ELOVL6: variants seen among roughly 807,000 people sequenced by gnomAD.
The protein encoded by ELOVL6 is very long chain fatty acid elongase 6.
Under a neutral mutation model 31.7 loss-of-function variants are expected in ELOVL6, and 8 were observed. That is an observed-to-expected ratio of 0.25 (90% CI 0.15 to 0.45). ELOVL6 has a LOEUF of 0.45. ELOVL6 is among the 20% of genes least tolerant of loss of function. ELOVL6 has a pLI of 1.00. For synonymous variants in ELOVL6, 101 were observed against 117.7 expected (o/e 0.86, Z 0.92); for missense variants, 126 against 326.4 (o/e 0.39, Z 4.73).
chr4:110,167,026 T>C (rs1174940603), intron 1 of ELOVL6, among the ~76,000 whole-genome samples: 21 of 152,178 alleles, frequency 1.4e-4, no homozygotes, highest in Non-Finnish European at 2.4e-4. Context: ...TTGCCTTCTA[T>C]TTCTTTGTCT....
intron 1 of ELOVL6, among the ~76,000 whole-genome samples, chr4:110,187,391 A>G (rs1330247555): frequency 1.3e-5 from 2 of 151,754 alleles, no homozygotes; most frequent in Non-Finnish European, 2.9e-5. Context: ...GAAAAAGCAT[A>G]TAACCTAACT....
In ELOVL6 at chr4:110,198,519, T is replaced by A; in HGVS notation, c.-184A>T. On this transcript the variant is annotated 5_prime_UTR_variant, in exon 1 of 4. Transcript: ENST00000302274. Reference sequence around the variant, plus strand: ...CTCAGCTACATCCAGGGCTGAGCATTGCCTGCGCCTCCGCTCCCAGCTCCT... The same window carrying A: ...CTCAGCTACATCCAGGGCTGAGCATAGCCTGCGCCTCCGCTCCCAGCTCCT... 3.7e-6 allele frequency: 2 copies of A among 546,176 alleles called. No individual in the cohort carries two copies. The highest frequency in any genetic ancestry group is 2.4e-5 in the South Asian group (1 of 41,726). 33.8% of individuals were successfully genotyped at this position (546,176 alleles called of 1,614,324 possible).
intron 1 of ELOVL6, chr4:110,146,483 T>C (rs1456223241): frequency 2.6e-5 from 4 of 153,086 alleles, no homozygotes; most frequent in African/African-American, 9.6e-5. Context: ...GGTATGCATA[T>C]ACAAAAAGCC....
At chr4:110,099,444 G>T (rs958707158) in intron 2 of ELOVL6, among the ~76,000 whole-genome samples, 3 of 152,122 alleles carry the variant, frequency 2.0e-5, no homozygotes, top group Non-Finnish European at 4.4e-5. Flanking sequence ...AGGAAAAACT[G>T]GTGGTTAATA....
intron 1 of ELOVL6, among the ~76,000 whole-genome samples, chr4:110,126,804 C>G (rs961636912): frequency 1.6e-4 from 25 of 152,164 alleles, no homozygotes; most frequent in Admixed American, 1.6e-3. Context: ...GCTTGATCCA[C>G]TATTTCATGC....
Position 110,069,131 on chromosome 4 carries a change from AAATAATAAT to A in ELOVL6, c.222-9386_222-9378del, listed in dbSNP as rs58966120. ...GGTGACAGAGCAAGACTCTGTCTCC[AAATAATAAT>A]AATAATAATAATAATAATAATAATA... On this transcript the variant is annotated intron_variant, in intron 2 of 3. Coordinates refer to ENST00000302274, the MANE Select transcript of ELOVL6 (RefSeq NM_024090.3). Among the ~76,000 whole-genome samples, 367 of 133,682 alleles carry A rather than the reference AAATAATAAT, an allele frequency of 2.7e-3. 1 individual carries two copies. Among genetic ancestry groups the A allele is most frequent in the African/African-American group, 9.1e-3 (316 of 34,688 alleles). The allele number at this position is 133,682 out of a possible 152,430, so 87.7% of individuals were successfully genotyped here.
intron 2 of ELOVL6, among the ~76,000 whole-genome samples, chr4:110,102,660 CAA>C (rs965870775): frequency 3.1e-5 from 4 of 130,290 alleles, no homozygotes; most frequent in Admixed American, 7.7e-5. Context: ...ATCTTGTCTC[CAA>C]AAAAAAAAAA....
chr4:110,072,131 C>G (rs1159219795), intron 2 of ELOVL6, among the ~76,000 whole-genome samples: 1 of 152,190 alleles, frequency 6.6e-6, no homozygotes, highest in Non-Finnish European at 1.5e-5. Context: ...GACCAGCACA[C>G]TCTCAGAACA....
At chr4:110,103,905 C>T (rs1168097672) in intron 2 of ELOVL6, among the ~76,000 whole-genome samples, 2 of 152,088 alleles carry the variant, frequency 1.3e-5, no homozygotes, top group Non-Finnish European at 2.9e-5. Flanking sequence ...GATCATAATA[C>T]TGTGTTTGCT....
intron 3 of ELOVL6, among the ~76,000 whole-genome samples, chr4:110,052,020 C>T (rs1246172074): frequency 6.6e-6 from 1 of 152,154 alleles, no homozygotes; most frequent in African/African-American, 2.4e-5. Flanking sequence ...GTAGGATAAT[C>T]AGCATGGCTC....
chr4:110,196,549 C>G (rs1047859241), intron 1 of ELOVL6, among the ~76,000 whole-genome samples: 12 of 152,358 alleles, frequency 7.9e-5, no homozygotes, highest in South Asian at 4.1e-4. Flanking sequence ...TCTGCGGTCT[C>G]GACCCTTAGT....
At chr4:110,095,547 T>C (rs1756557385) in intron 2 of ELOVL6, among the ~76,000 whole-genome samples, 1 of 151,034 alleles carries the variant, frequency 6.6e-6, no homozygotes, top group Non-Finnish European at 1.5e-5. Context: ...CAGGAAAAGA[T>C]TCGATATACC....
intron 1 of ELOVL6, among the ~76,000 whole-genome samples, chr4:110,110,078 C>T (rs1756989966): frequency 6.6e-6 from 1 of 152,128 alleles, no homozygotes; most frequent in Admixed American, 6.5e-5. Flanking sequence ...CTGGTGCACC[C>T]CCCTCCTCTT....
intron 3 of ELOVL6, among the ~76,000 whole-genome samples, chr4:110,057,097 A>C (rs1269029828): frequency 1.3e-5 from 2 of 152,200 alleles, no homozygotes; most frequent in East Asian, 3.8e-4. Flanking sequence ...GTGGCATTTC[A>C]ATAAATTATT....
chr4:110,186,791 G>A (rs565314484), intron 1 of ELOVL6, among the ~76,000 whole-genome samples: 5 of 99,332 alleles, frequency 5.0e-5, no homozygotes, highest in Admixed American at 3.1e-4. Flanking sequence ...GTAACAGAAC[G>A]AGACTCTGTC....
chr4:110,093,966 G>T (rs1377355534), intron 2 of ELOVL6, among the ~76,000 whole-genome samples: 1 of 152,070 alleles, frequency 6.6e-6, no homozygotes, highest in African/African-American at 2.4e-5. Flanking sequence ...GAATATCTGG[G>T]TGGGGCTGGT....
chr4:110,074,858 A>G (rs1336643358), intron 2 of ELOVL6, among the ~76,000 whole-genome samples: 1 of 152,198 alleles, frequency 6.6e-6, no homozygotes, highest in Non-Finnish European at 1.5e-5. Context: ...ACTCCATTGC[A>G]TCCTCAAGTG....
At chr4:110,133,682 A>G (rs1323681538) in intron 1 of ELOVL6, among the ~76,000 whole-genome samples, 1 of 152,222 alleles carries the variant, frequency 6.6e-6, no homozygotes, top group African/African-American at 2.4e-5. Context: ...GGCTAAAAGG[A>G]AGTCATTATT....
intron 1 of ELOVL6, among the ~76,000 whole-genome samples, chr4:110,178,857 T>C (rs1759193580): frequency 6.6e-6 from 1 of 152,054 alleles, no homozygotes; most frequent in South Asian, 2.1e-4. Flanking sequence ...TAAAGATGGA[T>C]AAAAAGTTTT....
Sources: gnomAD v4.1 joint callset for allele counts (sites outside exome capture counted in the v4.1 genomes callset) on GRCh38, gnomAD v4.1.1 for gene constraint, MANE v1.5 for transcripts, NCBI Gene and HGNC (gene_info 2026-07-23, HGNC 2026-07-21) for gene names.